Variants in HHIP observed in about 807,000 individuals in gnomAD.
HHIP encodes the protein hedgehog-interacting protein.
A neutral mutation model predicts 74.0 loss-of-function variants in HHIP; 12 were observed. The observed-to-expected ratio is 0.16, with a 90% CI of 0.10 to 0.26. The LOEUF (loss-of-function observed/expected upper bound fraction) is 0.26, where lower values mean the gene tolerates loss of function less well. HHIP is among the 10% of genes least tolerant of loss of function. The pLI is 1.00. For synonymous variants in HHIP, 309 were observed against 311.6 expected, an observed-to-expected ratio of 0.99 and a Z score of 0.09; for missense variants, 788 against 845.0, an observed-to-expected ratio of 0.93 and a Z score of 0.84.
chr4:144,684,061 T>TAA (rs141349721), intron 4 of HHIP, among the ~76,000 whole-genome samples: 11 of 141,578 alleles, frequency 7.8e-5, no homozygotes, highest in Non-Finnish European at 9.2e-5. Flanking sequence ...AGACTCCGTC[T>TAA]AAAAAAAAAA....
In HHIP at chr4:144,710,715, G is replaced by A. The variant is rs560935051; in HGVS notation, c.1302-1235G>A. On this transcript the variant is annotated intron_variant, in intron 7 of 12. Transcript: ENST00000296575. Reference sequence around the variant, plus strand: ...TTGGTTTTCACAATTAGAGTGTGATGGGGGTGAGGGAGTGATGCTACTGGC... The same window carrying A: ...TTGGTTTTCACAATTAGAGTGTGATAGGGGTGAGGGAGTGATGCTACTGGC... Among the ~76,000 whole-genome samples, 49 of 152,196 alleles carry A rather than the reference G, an allele frequency of 3.2e-4. 3 individuals are homozygous for A. In the South Asian group the frequency reaches 0.01, roughly 32 times the overall value.
In HHIP at chr4:144,646,833, G is replaced by A. The variant is rs1728275338; in HGVS notation, c.158G>A (p.Arg53Lys). Residue 53 changes from arginine to lysine, a missense_variant, in exon 1 of 13, where the codon AGG becomes AAG. Physicochemically the swap from Arg to Lys is conservative, Grantham distance 26 (BLOSUM62 2). This residue lies in a region of HHIP where 373 missense variants were observed against 366.4 expected (regional missense o/e 1.02). Coordinates refer to ENST00000296575, the MANE Select transcript of HHIP (RefSeq NM_022475.3). Reference protein sequence around the residue: ...NPPKRLKRRDRRMMSQLELLS... With the variant: ...NPPKRLKRRDKRMMSQLELLS... ...CCGAAGCGCCTGAAAAGGAGAGACA[G>A]GAGGATGATGTCCCAGCTGGAGCTG... 2 of 1,614,150 alleles carry A rather than the reference G, an allele frequency of 1.2e-6. No homozygotes were observed. The highest frequency in any genetic ancestry group is 1.7e-6 in the Non-Finnish European group (2 of 1,180,052).
chr4:144,715,511 C>A, intron 10 of HHIP, 81 bp downstream of exon 10: 1 of 1,340,132 alleles, frequency 7.5e-7, no homozygotes, highest in Non-Finnish European at 1.0e-6. Flanking sequence ...AGAATAAATA[C>A]AGCAATCTTA....
chr4:144,684,344 T>A (rs1410183444), intron 4 of HHIP, among the ~76,000 whole-genome samples: 1 of 127,096 alleles, frequency 7.9e-6, no homozygotes, highest in Non-Finnish European at 1.6e-5. Flanking sequence ...CTGCAAGCTC[T>A]GCCTCCCGGG....
chr4:144,689,775 T>C (rs1304824057), intron 4 of HHIP, among the ~76,000 whole-genome samples: 4 of 152,178 alleles, frequency 2.6e-5, no homozygotes, highest in Non-Finnish European at 5.9e-5. Context: ...GAAGCCTTAC[T>C]CTAATATCTT....
chr4:144,686,906 C>T (rs1729502778), intron 4 of HHIP, among the ~76,000 whole-genome samples: 1 of 151,908 alleles, frequency 6.6e-6, no homozygotes, highest in Admixed American at 6.5e-5. Context: ...TGTATGAAAA[C>T]TTAAACCCTT....
chr4:144,715,875 T>C (rs1478125680), intron 10 of HHIP, among the ~76,000 whole-genome samples: 1 of 152,232 alleles, frequency 6.6e-6, no homozygotes, highest in African/African-American at 2.4e-5. Flanking sequence ...TTCTTTTTTC[T>C]TTTTGCCCAT....
At chr4:144,652,549 A>G in intron 1 of HHIP, 56 bp from the exon 2 acceptor site, 1 of 1,074,572 alleles carries the variant, frequency 9.3e-7, no homozygotes, top group Non-Finnish European at 1.4e-6. Context: ...TAATAATAAT[A>G]GCTAAACCTA....
At chr4:144,724,933 G>T (rs1204137760) in intron 11 of HHIP, among the ~76,000 whole-genome samples, 1 of 151,840 alleles carries the variant, frequency 6.6e-6, no homozygotes, top group Non-Finnish European at 1.5e-5. Context: ...AATGGAGAAT[G>T]TGAATGGTGA....
At chr4:144,707,902 T>A (rs1730191047) in intron 6 of HHIP, among the ~76,000 whole-genome samples, 1 of 152,086 alleles carries the variant, frequency 6.6e-6, no homozygotes. Context: ...TGCCACCACA[T>A]CTGGCTCATT....
intron 11 of HHIP, among the ~76,000 whole-genome samples, chr4:144,722,846 ACT>A (rs1166993569): frequency 5.9e-5 from 9 of 151,476 alleles, no homozygotes; most frequent in African/African-American, 2.2e-4. Flanking sequence ...ACAGGGTGAG[ACT>A]CTGTTTCAAA....
At chr4:144,655,669 G>A (rs1432766322) in intron 2 of HHIP, among the ~76,000 whole-genome samples, 1 of 151,950 alleles carries the variant, frequency 6.6e-6, no homozygotes, top group Non-Finnish European at 1.5e-5. Context: ...TAAACCAGAA[G>A]GAATAAACAG....
chr4:144,700,286 G>C (rs1729940635), intron 4 of HHIP, among the ~76,000 whole-genome samples: 2 of 152,118 alleles, frequency 1.3e-5, no homozygotes, highest in Admixed American at 1.3e-4. Context: ...GAACTTCACT[G>C]GTCTCCTCTT....
intron 11 of HHIP, among the ~76,000 whole-genome samples, chr4:144,731,566 C>T (rs958931265): frequency 1.1e-4 from 16 of 151,976 alleles, no homozygotes; most frequent in Admixed American, 5.9e-4. Flanking sequence ...ATTACAGACA[C>T]CCAGGACGAC....
intron 2 of HHIP, among the ~76,000 whole-genome samples, chr4:144,657,865 G>GATA (rs1387462955): frequency 6.6e-6 from 1 of 152,070 alleles, no homozygotes; most frequent in Admixed American, 6.6e-5. Context: ...TGAGGTGCAG[G>GATA]AAAAAGGCAC....
At chr4:144,723,159 G>T (rs1730684658) in intron 11 of HHIP, among the ~76,000 whole-genome samples, 1 of 151,952 alleles carries the variant, frequency 6.6e-6, no homozygotes. Context: ...TAATTATTAT[G>T]TACCCACTCT....
chr4:144,708,341 C>T (rs778047328), intron 7 of HHIP, 30 bp downstream of exon 7: 2 of 1,612,616 alleles, frequency 1.2e-6, no homozygotes, highest in Admixed American at 3.3e-5. Context: ...TTCTCACTGG[C>T]TTTTAAGCCA....
At chr4:144,716,231 A>C (rs1351542766) in intron 10 of HHIP, among the ~76,000 whole-genome samples, 3 of 152,202 alleles carry the variant, frequency 2.0e-5, no homozygotes, top group Non-Finnish European at 2.9e-5. Context: ...GTTAATCAGA[A>C]TATTTTCTCT....
chr4:144,711,484 C>G (rs1255076258), intron 7 of HHIP, among the ~76,000 whole-genome samples: 23 of 152,018 alleles, frequency 1.5e-4, no homozygotes, highest in Admixed American at 1.2e-3. Context: ...GGCTCTTCGT[C>G]CCCCTGCACC....
Sources: allele counts gnomAD v4.1 joint callset (sites outside exome capture counted in the v4.1 genomes callset), GRCh38; gene constraint gnomAD v4.1.1; regional missense constraint gnomAD v4.1.1; transcripts MANE v1.5; gene names NCBI Gene and HGNC (gene_info 2026-07-23, HGNC 2026-07-21).